SPON1: variants seen among roughly 807,000 people sequenced by gnomAD.
SPON1 encodes spondin-1.
SPON1 carries 52 observed loss-of-function variants against 111.7 expected under a neutral mutation model. The ratio of observed to expected loss-of-function variants is 0.47; its 90% confidence interval spans 0.37 to 0.59. The LOEUF (loss-of-function observed/expected upper bound fraction) is 0.59, where lower values mean the gene tolerates loss of function less well. Among genes scored for constraint, SPON1 ranks in the 20% least tolerant of loss-of-function variants. The pLI is 0.00. For synonymous variants in SPON1, 410 were observed against 395.8 expected (o/e 1.04, Z -0.43); for missense variants, 957 against 1,068.5 (o/e 0.90, Z 1.46).
intron 3 of SPON1, among the ~76,000 whole-genome samples, chr11:14,059,158 G>A (rs1848769864): frequency 6.6e-6 from 1 of 152,120 alleles, no homozygotes; most frequent in Non-Finnish European, 1.5e-5. Flanking sequence ...ATGGGTCCAG[G>A]GACACAGGCA....
chr11:14,257,226 T>C (rs933809331), intron 10 of SPON1, among the ~76,000 whole-genome samples: 3 of 152,230 alleles, frequency 2.0e-5, no homozygotes, highest in Non-Finnish European at 2.9e-5. Flanking sequence ...AGAACTTGCT[T>C]CATACAGTTG....
chr11:14,211,002 G>A (rs10832234), intron 6 of SPON1, among the ~76,000 whole-genome samples: 37,227 of 152,040 alleles, frequency 0.24, 4,819 homozygotes, highest in Admixed American at 0.32. Context: ...TTTGGTTACT[G>A]TAGACTTGTA....
chr11:14,250,685 C>G (rs1849043949), intron 7 of SPON1, among the ~76,000 whole-genome samples: 1 of 152,036 alleles, frequency 6.6e-6, no homozygotes, highest in Non-Finnish European at 1.5e-5. Flanking sequence ...ACCAAATTAA[C>G]AAAATATATC....
rs570360087 is a variant in SPON1, at chr11:14,173,459, T to C, written c.825+37891T>C. Among the ~76,000 whole-genome samples the C allele has an allele frequency of 3.9e-5, 6 of 152,002 alleles. No individual in the cohort carries two copies. In the East Asian group the frequency reaches 1.2e-3, roughly 29 times the overall value. Reference sequence around the variant, plus strand: ...TCGAACTTCCTCCTTTAGCTCGGAGTAGTTGGATCTTCTGAAGCCTTCTTC... The same window carrying C: ...TCGAACTTCCTCCTTTAGCTCGGAGCAGTTGGATCTTCTGAAGCCTTCTTC... On this transcript the variant is annotated intron_variant, in intron 6 of 15. Transcript: ENST00000576479.
intron 1 of SPON1, among the ~76,000 whole-genome samples, chr11:13,963,368 CCCCGCGTTTCCGA>C (rs1302035626): frequency 6.6e-6 from 1 of 152,200 alleles, no homozygotes; most frequent in African/African-American, 2.4e-5. Flanking sequence ...AGGAGAGGCA[CCCCGCGTTTCCGA>C]CGCGCGGTTC....
At position 14,257,763 on chromosome 11, in the gene SPON1, G is replaced by A. The variant is rs782744891; in HGVS notation, c.1357G>A (p.Ala453Thr). Residue 453 changes from alanine (A) to threonine (T), a missense_variant, in exon 11 of 16, where the codon GCC becomes ACC. Physicochemically the swap from Ala to Thr is moderately conservative, Grantham distance 58. Around this residue, in one of 5 missense-constraint regions of SPON1, gnomAD observed 549 missense variants for 606.2 expected, o/e 0.91. Transcript: ENST00000576479. Reference sequence around the variant, plus strand: ...CTACTCCAACTGGTCCCCATGGTCCGCCTGCAGCTCCTCCACCTGTGACAA... The same window carrying A: ...CTACTCCAACTGGTCCCCATGGTCCACCTGCAGCTCCTCCACCTGTGACAA... Reference protein sequence around the residue: ...CIYSNWSPWSACSSSTCDKGK... With the variant: ...CIYSNWSPWSTCSSSTCDKGK... The A allele has an allele frequency of 1.2e-5, 19 of 1,613,146 alleles. No homozygotes were observed. Among genetic ancestry groups the A allele is most frequent in the African/African-American group, 6.7e-5 (5 of 75,040 alleles).
At chr11:14,090,396 T>C (rs1039453459) in intron 5 of SPON1, among the ~76,000 whole-genome samples, 12 of 152,188 alleles carry the variant, frequency 7.9e-5, no homozygotes, top group African/African-American at 2.9e-4. Context: ...TGGTGGGTTC[T>C]TGGTCTCACT....
chr11:14,223,863 C>G (rs1848708434), intron 6 of SPON1, among the ~76,000 whole-genome samples: 1 of 152,220 alleles, frequency 6.6e-6, no homozygotes, highest in South Asian at 2.1e-4. Flanking sequence ...CAAGAAAACA[C>G]TGGGGGGTCC....
intron 5 of SPON1, among the ~76,000 whole-genome samples, chr11:14,121,453 T>C (rs1308110473): frequency 1.3e-5 from 2 of 152,122 alleles, no homozygotes; most frequent in Non-Finnish European, 1.5e-5. Flanking sequence ...CGGGTTCAGA[T>C]TGCAAGGAAG....
At chr11:14,136,613 G>A (rs1441785183) in intron 6 of SPON1, among the ~76,000 whole-genome samples, 9 of 152,148 alleles carry the variant, frequency 5.9e-5, no homozygotes, top group African/African-American at 2.2e-4. Flanking sequence ...CTAAATTGGA[G>A]GCAACAAAGG....
chr11:14,214,241 G>T (rs555687320), intron 6 of SPON1, among the ~76,000 whole-genome samples: 1 of 152,130 alleles, frequency 6.6e-6, no homozygotes, highest in African/African-American at 2.4e-5. Flanking sequence ...ATCCCTAGCC[G>T]GATCAAATCT....
At chr11:14,128,380 C>CA (rs1344363977) in intron 5 of SPON1, among the ~76,000 whole-genome samples, 6 of 152,200 alleles carry the variant, frequency 3.9e-5, no homozygotes, top group Non-Finnish European at 8.8e-5. Context: ...CATGCAAATC[C>CA]AAAACCCAAG....
rs1289231752 is a variant in SPON1 at position 14,210,834 on chromosome 11, TC to T, written c.826-32495del. ...TTTTCTGCATATGGCTAGCCAGTTT[TC>T]CCAACACCATTTATTAAATAGGAAA... is the stretch of plus-strand genomic sequence containing the variant. On this transcript the variant is annotated intron_variant, in intron 6 of 15. Coordinates refer to ENST00000576479, the MANE Select transcript of SPON1 (RefSeq NM_006108.4). 6.6e-5 allele frequency among the ~76,000 whole-genome samples: 10 copies of T among 152,364 alleles called. No homozygotes were observed. In the South Asian group the frequency reaches 1.7e-3, roughly 25 times the overall value.
intron 5 of SPON1, among the ~76,000 whole-genome samples, chr11:14,131,571 T>G (rs1847530430): frequency 6.6e-6 from 1 of 152,260 alleles, no homozygotes; most frequent in African/African-American, 2.4e-5. Context: ...TTCATATCTG[T>G]AATAATACTG....
intron 3 of SPON1, among the ~76,000 whole-genome samples, chr11:14,053,737 G>T (rs1359251960): frequency 1.3e-5 from 2 of 152,180 alleles, no homozygotes; most frequent in Non-Finnish European, 2.9e-5. Flanking sequence ...AACAAGAGTA[G>T]AAAAGGACAA....
intron 6 of SPON1, among the ~76,000 whole-genome samples, chr11:14,234,554 A>G (rs1554939046): frequency 2.0e-5 from 3 of 152,256 alleles, no homozygotes; most frequent in Admixed American, 6.5e-5. Context: ...CAGTTACCAA[A>G]GGACAAGCTA....
intron 5 of SPON1, among the ~76,000 whole-genome samples, chr11:14,091,625 C>A (rs1554923386): frequency 6.6e-6 from 1 of 152,188 alleles, no homozygotes; most frequent in Non-Finnish European, 1.5e-5. Flanking sequence ...GCTCCGAGTG[C>A]GGAGCCCGCC....
At chr11:14,008,298 C>G (rs1848379121) in intron 2 of SPON1, among the ~76,000 whole-genome samples, 1 of 152,076 alleles carries the variant, frequency 6.6e-6, no homozygotes, top group African/African-American at 2.4e-5. Context: ...GGAACCAACC[C>G]CCGACAAATA....
chr11:14,248,519 C>T (rs1849018124), intron 7 of SPON1, among the ~76,000 whole-genome samples: 1 of 152,000 alleles, frequency 6.6e-6, no homozygotes, highest in African/African-American at 2.4e-5. Flanking sequence ...TCCCAAACAC[C>T]CAAAACCTCT....
Sources: allele counts gnomAD v4.1 joint callset (sites outside exome capture counted in the v4.1 genomes callset), GRCh38; gene constraint gnomAD v4.1.1; regional missense constraint gnomAD v4.1.1; transcripts MANE v1.5; gene names NCBI Gene and HGNC (gene_info 2026-07-23, HGNC 2026-07-21).